Variants in ANK3 observed in about 807,000 individuals in gnomAD.
The protein encoded by ANK3 is ankyrin-3.
Under a neutral mutation model 370.9 loss-of-function variants are expected in ANK3, and 57 were observed. That is an observed-to-expected ratio of 0.15 (90% CI 0.12 to 0.19). The LOEUF (loss-of-function observed/expected upper bound fraction) is 0.19. ANK3 is among the 10% of genes least tolerant of loss of function. ANK3 has a pLI of 1.00. For missense variants in ANK3, 4,439 were observed against 5,302.1 expected, an observed-to-expected ratio of 0.84 and a Z score of 5.06; for synonymous variants, 1,929 against 1,946.3, an observed-to-expected ratio of 0.99 and a Z score of 0.23.
intron 1 of ANK3, among the ~76,000 whole-genome samples, chr10:60,299,473 G>A (rs2043229682): frequency 6.6e-6 from 1 of 152,112 alleles, no homozygotes; most frequent in African/African-American, 2.4e-5. Flanking sequence ...TTCACTAAAT[G>A]TTTAAACACA....
At chr10:60,152,221 A>G (rs1003265113) in intron 23 of ANK3, among the ~76,000 whole-genome samples, 21 of 152,352 alleles carry the variant, frequency 1.4e-4, no homozygotes, top group East Asian at 5.8e-4. Flanking sequence ...AAAACTAACC[A>G]TGAGTTGGCA....
chr10:60,070,069 A>T lies in ANK3; in HGVS notation c.10812T>A (p.His3604Gln), dbSNP rs141513495. ...GAGTCATCTCAAACATTTTTCCTTC[A>T]TGAAATGGGAAGGGGTTAGGCTCAC... is the stretch of plus-strand genomic sequence containing the variant. ...PTSEPNPFPFHEGKMFEMTRS... is the reference protein window; with the variant it reads ...PTSEPNPFPFQEGKMFEMTRS... Residue 3604 changes from histidine (H) to glutamine (Q), a missense_variant, in exon 37 of 44, where the codon CAT (histidine) becomes CAA (glutamine). By Grantham distance (24) the His-to-Gln change is conservative. This residue lies in a region of ANK3 where 3 missense variants were observed against 31.4 expected (regional missense o/e 0.10). Coordinates refer to ENST00000280772, the MANE Select transcript of ANK3 (RefSeq NM_020987.5). This position sits in a 1 kb window ranked among gnomAD's most constrained non-coding sequence, Gnocchi z 5.7. The T allele has an allele frequency of 6.2e-7, 1 of 1,614,064 alleles. No individual in the cohort carries two copies. Among genetic ancestry groups the T allele is most frequent in the Non-Finnish European group, 8.5e-7 (1 of 1,179,988 alleles).
intron 1 of ANK3, among the ~76,000 whole-genome samples, chr10:60,628,629 A>G (rs1431975850): frequency 6.6e-6 from 1 of 152,216 alleles, no homozygotes; most frequent in Non-Finnish European, 1.5e-5. Context: ...AAAACAATGG[A>G]GTCCCAACAT....
intron 8 of ANK3, among the ~76,000 whole-genome samples, chr10:60,228,741 G>C (rs772352992): frequency 2.0e-5 from 3 of 151,888 alleles, no homozygotes; most frequent in Non-Finnish European, 4.4e-5. Flanking sequence ...CTGATGTAGA[G>C]CTATTTAAAA....
intron 2 of ANK3, among the ~76,000 whole-genome samples, chr10:60,552,832 A>G (rs2077118387): frequency 6.6e-6 from 1 of 152,084 alleles, no homozygotes; most frequent in African/African-American, 2.4e-5. Context: ...TGATTGAATC[A>G]TGGGGGTGGG....
chr10:60,500,574 C>T (rs1043950574), intron 2 of ANK3, among the ~76,000 whole-genome samples: 2 of 152,162 alleles, frequency 1.3e-5, no homozygotes, highest in African/African-American at 4.8e-5. Flanking sequence ...GTTGAAAATA[C>T]AGTGAGGTTT....
chr10:60,687,354 A>C (rs934120515), intron 1 of ANK3, among the ~76,000 whole-genome samples: 1 of 152,218 alleles, frequency 6.6e-6, no homozygotes, highest in Non-Finnish European at 1.5e-5. Context: ...AAAGCAAATA[A>C]ACACCTAGGA....
Position 60,336,151 on chromosome 10 carries a change from C to T in ANK3, c.114+53274G>A, listed in dbSNP as rs149111286. Among the ~76,000 whole-genome samples the T allele has an allele frequency of 1.9e-3, 286 of 151,666 alleles. 1 individual carries two copies. Among genetic ancestry groups the T allele is most frequent in the African/African-American group, 6.3e-3 (261 of 41,212 alleles). Reference sequence around the variant, plus strand: ...GTCACATTGGGGCAGGTTGGGGAGTCGAGGCCAAACTAGAGTACTCTTGCA... The same window carrying T: ...GTCACATTGGGGCAGGTTGGGGAGTTGAGGCCAAACTAGAGTACTCTTGCA... On this transcript the variant is annotated intron_variant, in intron 1 of 43. Coordinates refer to ENST00000280772, the MANE Select transcript of ANK3 (RefSeq NM_020987.5).
intron 1 of ANK3, among the ~76,000 whole-genome samples, chr10:60,319,584 C>A (rs1033654553): frequency 3.3e-5 from 5 of 152,064 alleles, no homozygotes; most frequent in Admixed American, 6.6e-5. Context: ...TAAAACACAC[C>A]CATTTATTGA....
At chr10:60,433,121 T>C (rs1317482757) in intron 2 of ANK3, among the ~76,000 whole-genome samples, 3 of 151,204 alleles carry the variant, frequency 2.0e-5, no homozygotes, top group Non-Finnish European at 4.4e-5. Flanking sequence ...AAAAGAAACA[T>C]TAAAACAACA....
chr10:60,040,427 T>G (rs1261279283), intron 43 of ANK3, among the ~76,000 whole-genome samples: 2 of 152,176 alleles, frequency 1.3e-5, no homozygotes, highest in African/African-American at 4.8e-5. Context: ...CTAAGTTCAC[T>G]TACGGAAGGT....
chr10:60,636,335 G>A (rs1281178531), intron 1 of ANK3, among the ~76,000 whole-genome samples: 2 of 152,268 alleles, frequency 1.3e-5, no homozygotes, highest in East Asian at 1.9e-4. Flanking sequence ...AAAGGGGTTA[G>A]TGACTTGACC....
intron 29 of ANK3, among the ~76,000 whole-genome samples, chr10:60,087,932 CT>C (rs1254056262): frequency 1.3e-5 from 2 of 152,170 alleles, no homozygotes; most frequent in Non-Finnish European, 2.9e-5. Context: ...CCAACTGAGA[CT>C]TTTAAACAGA....
intron 23 of ANK3, among the ~76,000 whole-genome samples, chr10:60,149,401 G>A (rs187805121): frequency 1.9e-4 from 29 of 152,232 alleles, no homozygotes; most frequent in Admixed American, 1.2e-3. Flanking sequence ...AGACTTTTCA[G>A]GTAGATGGAA....
chr10:60,069,794 G>A lies in ANK3; in HGVS notation c.11087C>T (p.Thr3696Ile), dbSNP rs747100065. The change falls in exon 37 of 44, where the codon ACA becomes ATA. Residue 3696 changes from threonine to isoleucine, a missense_variant. By Grantham distance (89) the Thr-to-Ile change is moderately conservative. Transcript: ENST00000280772. ...IPTSGECQEG[T>I]SSSGSLEKSA... Reference sequence around the variant, plus strand: ...TTTCTCCAGGGAGCCACTACTGGATGTGCCTTCCTGACACTCTCCGCTGGT... The same window carrying A: ...TTTCTCCAGGGAGCCACTACTGGATATGCCTTCCTGACACTCTCCGCTGGT... 1.2e-6 allele frequency: 2 copies of A among 1,614,122 alleles called. No individual in the cohort carries two copies. The highest frequency in any genetic ancestry group is 1.7e-6 in the Non-Finnish European group (2 of 1,180,024).
intron 2 of ANK3, among the ~76,000 whole-genome samples, chr10:60,614,628 T>C (rs946515378): frequency 3.3e-5 from 5 of 152,184 alleles, no homozygotes; most frequent in Non-Finnish European, 5.9e-5. Flanking sequence ...GTAGCCTGCA[T>C]AGCCCACTGA....
chr10:60,037,006 T>A (rs1287405517), intron 43 of ANK3, among the ~76,000 whole-genome samples: 1 of 152,176 alleles, frequency 6.6e-6, no homozygotes, highest in Non-Finnish European at 1.5e-5. Flanking sequence ...TTCTTAAAAC[T>A]CATTCCTCTT....
intron 1 of ANK3, among the ~76,000 whole-genome samples, chr10:60,687,835 T>C (rs924731804): frequency 6.6e-6 from 1 of 152,034 alleles, no homozygotes; most frequent in African/African-American, 2.4e-5. Context: ...GACAGATAAA[T>C]AAAGACAATG....
chr10:60,173,166 A>C lies in ANK3; in HGVS notation c.2205T>G (p.His735Gln). 6.2e-7 allele frequency: 1 copy of C among 1,613,798 alleles called. No individual in the cohort carries two copies. Among genetic ancestry groups the C allele is most frequent in the Non-Finnish European group, 8.5e-7 (1 of 1,179,738 alleles). ...AQTKMGYTPL[H>Q]VGCHYGNIKI... is the part of the protein sequence containing the mutation. ...TGATATTTCCATAGTGGCAGCCCAC[A>C]TGCAGTGGTGTGTATCCCATCTGTA... The change falls in exon 19 of 44, where the codon CAT becomes CAG. Residue 735 changes from histidine (H) to glutamine (Q), a missense_variant. Around this residue, in one of 13 missense-constraint regions of ANK3, gnomAD observed 702 missense variants for 941.5 expected, o/e 0.75. Coordinates refer to ENST00000280772, the MANE Select transcript of ANK3 (RefSeq NM_020987.5).
Sources: gnomAD v4.1 joint callset for allele counts (sites outside exome capture counted in the v4.1 genomes callset) on GRCh38, gnomAD v4.1.1 for gene constraint, gnomAD v4.1.1 regional missense constraint, Gnocchi (gnomAD v3.1) non-coding constraint, MANE v1.5 for transcripts, NCBI Gene and HGNC (gene_info 2026-07-23, HGNC 2026-07-21) for gene names.